FGF5: variants seen among roughly 807,000 people sequenced by gnomAD.
The protein encoded by FGF5 is heparin-binding growth factor 5.
FGF5 carries 23 observed loss-of-function variants against 21.8 expected under a neutral mutation model. That is an observed-to-expected ratio of 1.05 (90% CI 0.76 to 1.49). FGF5 has a LOEUF of 1.49. Among genes scored for constraint, FGF5 ranks in the 40% most tolerant of loss-of-function variants. FGF5 has a pLI of 0.00. For missense variants in FGF5, 352 were observed against 332.9 expected, an observed-to-expected ratio of 1.06 and a Z score of -0.45; for synonymous variants, 158 against 124.0, an observed-to-expected ratio of 1.27 and a Z score of -1.82.
chr4:80,278,071 C>A (rs1024727578), intron 2 of FGF5, among the ~76,000 whole-genome samples: 3 of 152,052 alleles, frequency 2.0e-5, no homozygotes, highest in South Asian at 2.1e-4. Context: ...CTAGAATTTT[C>A]TCTTTCTTTT....
chr4:80,279,011 C>G (rs560566942), intron 2 of FGF5, among the ~76,000 whole-genome samples: 1 of 152,286 alleles, frequency 6.6e-6, no homozygotes, highest in African/African-American at 2.4e-5. Flanking sequence ...AGACTGAGCA[C>G]TCTTTCTCCC....
Position 80,289,408 on chromosome 4 carries a change from G to C in FGF5, c.*2736G>C, listed in dbSNP as rs74807166. The C allele has an allele frequency of 1.3e-4, 20 of 152,208 alleles. No homozygotes were observed. In the East Asian group the frequency reaches 3.9e-3, roughly 29 times the overall value. 9.4% of individuals were successfully genotyped at this position (152,208 alleles called of 1,614,324 possible). ...TATACTAATGCTTACAACTTTCTAA[G>C]AGGGTTCTTGCTTATGTAGCTTTTT... On this transcript the variant is annotated 3_prime_UTR_variant, in exon 3 of 3. Coordinates refer to ENST00000312465, the MANE Select transcript of FGF5 (RefSeq NM_004464.4).
At position 80,270,028 on chromosome 4, in the gene FGF5, T is replaced by C. The variant is rs79969080; in HGVS notation, c.355+2849T>C. ...TTACCTCTTTGAAGGCAGTAGTTGA[T>C]GTTTCCTGACATTCGTGTAAACTAA... On this transcript the variant is annotated intron_variant, in intron 1 of 2. Transcript: ENST00000312465. Among the ~76,000 whole-genome samples the C allele has an allele frequency of 1.7e-4, 26 of 152,390 alleles. No individual in the cohort carries two copies. The East Asian group carries it at 4.8e-3, about 28-fold the overall frequency.
chr4:80,271,982 T>C (rs1437004148), intron 1 of FGF5, among the ~76,000 whole-genome samples: 1 of 152,178 alleles, frequency 6.6e-6, no homozygotes, highest in Non-Finnish European at 1.5e-5. Context: ...GGCAGGAAAC[T>C]GAACTGTGAG....
At chr4:80,282,376 T>C (rs1238179620) in intron 2 of FGF5, among the ~76,000 whole-genome samples, 1 of 151,964 alleles carries the variant, frequency 6.6e-6, no homozygotes, top group Non-Finnish European at 1.5e-5. Flanking sequence ...CAATTAGGAG[T>C]ATATACTAAA....
chr4:80,288,101 G>C lies in FGF5; in HGVS notation c.*1429G>C, dbSNP rs1247577153. On this transcript the variant is annotated 3_prime_UTR_variant, in exon 3 of 3. Coordinates refer to ENST00000312465, the MANE Select transcript of FGF5 (RefSeq NM_004464.4). ...TCAGAAATGTGGCAAAAAAGGCATA[G>C]CTAAAGGCTAAACATATGGCTTTAG... is the stretch of plus-strand genomic sequence containing the variant. 1.3e-5 allele frequency: 2 copies of C among 152,132 alleles called. No homozygotes were observed. Among genetic ancestry groups the C allele is most frequent in the Non-Finnish European group, 2.9e-5 (2 of 67,994 alleles). 9.4% of individuals were successfully genotyped at this position (152,132 alleles called of 1,614,324 possible).
intron 2 of FGF5, among the ~76,000 whole-genome samples, chr4:80,276,221 T>C (rs753863631): frequency 6.6e-6 from 1 of 151,966 alleles, no homozygotes; most frequent in African/African-American, 2.4e-5. Context: ...AAATATTGCC[T>C]ATTATTATAG....
chr4:80,270,255 C>T (rs1720230345), intron 1 of FGF5, among the ~76,000 whole-genome samples: 1 of 152,176 alleles, frequency 6.6e-6, no homozygotes, highest in Admixed American at 6.5e-5. Flanking sequence ...CAAAGCTTTG[C>T]CATGAAACTG....
chr4:80,266,837 T>C lies in FGF5; in HGVS notation c.13T>C (p.Phe5Leu), dbSNP rs1720101454. The change falls in exon 1 of 3, where the codon TTC becomes CTC. Residue 5 changes from phenylalanine (F) to leucine (L), a missense_variant. By Grantham distance (22) the Phe-to-Leu change is conservative. Coordinates refer to ENST00000312465, the MANE Select transcript of FGF5 (RefSeq NM_004464.4). MSLS[F>L]LLLLFFSHLI... ...CGCGGCTGGAAGAATGAGCTTGTCC[T>C]TCCTCCTCCTCCTCTTCTTCAGCCA... is the stretch of plus-strand genomic sequence containing the variant. 2 of 1,592,916 alleles carry C rather than the reference T, an allele frequency of 1.3e-6. No individual in the cohort carries two copies. The highest frequency in any genetic ancestry group is 1.7e-6 in the Non-Finnish European group (2 of 1,170,630).
At position 80,266,904 on chromosome 4, in the gene FGF5, C is replaced by T; in HGVS notation, c.80C>T (p.Ala27Val). Residue 27 changes from alanine to valine, a missense_variant, in exon 1 of 3, where the codon GCC (alanine) becomes GTC (valine). Transcript: ENST00000312465. Reference protein sequence around the residue: ...SAWAHGEKRLAPKGQPGPAAT... With the variant: ...SAWAHGEKRLVPKGQPGPAAT... ...TGGGCTCACGGGGAGAAGCGTCTCG[C>T]CCCCAAAGGGCAACCCGGACCCGCT... The T allele has an allele frequency of 6.2e-7, 1 of 1,613,944 alleles. No homozygotes were observed. The highest frequency in any genetic ancestry group is 8.5e-7 in the Non-Finnish European group (1 of 1,179,898).
intron 1 of FGF5, among the ~76,000 whole-genome samples, chr4:80,272,585 T>C (rs542566509): frequency 3.3e-5 from 5 of 152,278 alleles, no homozygotes; most frequent in African/African-American, 1.2e-4. Flanking sequence ...AAAGTTAGCA[T>C]ATAAACACAT....
At chr4:80,268,773 C>CGCACCA (rs1560497256) in intron 1 of FGF5, among the ~76,000 whole-genome samples, 1 of 152,216 alleles carries the variant, frequency 6.6e-6, no homozygotes, top group African/African-American at 2.4e-5. Context: ...CCTCCGCACA[C>CGCACCA]GCACCAGCGA....
At chr4:80,279,332 C>A (rs1451797950) in intron 2 of FGF5, among the ~76,000 whole-genome samples, 1 of 152,176 alleles carries the variant, frequency 6.6e-6, no homozygotes, top group Non-Finnish European at 1.5e-5. Flanking sequence ...TAGAGTACTG[C>A]CTGAAAAGTG....
Position 80,286,617 on chromosome 4 carries a change from C to T in FGF5, c.752C>T (p.Ala251Val), listed in dbSNP as rs1157604353. ...SPIKPKIPLSAPRKNTNSVKY... is the reference protein window; with the variant it reads ...SPIKPKIPLSVPRKNTNSVKY... ...ATCAAGCCAAAGATTCCCCTTTCTG[C>T]ACCTCGGAAAAATACCAACTCAGTG... is the stretch of plus-strand genomic sequence containing the variant. Residue 251 changes from alanine (A) to valine (V), a missense_variant, in exon 3 of 3, where the codon GCA becomes GTA. Transcript: ENST00000312465. The T allele has an allele frequency of 1.2e-6, 2 of 1,614,048 alleles. No homozygotes were observed. The highest frequency in any genetic ancestry group is 1.7e-6 in the Non-Finnish European group (2 of 1,179,974).
In FGF5 at chr4:80,267,032, C is replaced by T; in HGVS notation, c.208C>T (p.Gln70Ter). The T allele has an allele frequency of 6.2e-7, 1 of 1,614,218 alleles. No homozygotes were observed. The highest frequency in any genetic ancestry group is 1.7e-5 in the Admixed American group (1 of 60,030). ...SSSPAASLGS[Q>*]GSGLEQSSFQ... ...CTCCCCCGCAGCTTCTCTGGGCAGC[C>T]AAGGAAGTGGCTTGGAGCAGAGCAG... Residue 70 changes from glutamine to a stop codon, truncating the protein, a stop_gained, in exon 1 of 3, where the codon CAA (glutamine) becomes TAA (stop). Transcript: ENST00000312465. LOFTEE classifies it high-confidence loss of function.
chr4:80,267,955 G>T (rs964329913), intron 1 of FGF5, among the ~76,000 whole-genome samples: 18 of 152,180 alleles, frequency 1.2e-4, no homozygotes, highest in African/African-American at 4.3e-4. Context: ...TAGGAGAGTG[G>T]CCAGCCTTTG....
intron 1 of FGF5, among the ~76,000 whole-genome samples, chr4:80,273,854 CCTTT>C (rs1231987410): frequency 1.3e-5 from 2 of 151,906 alleles, no homozygotes; most frequent in East Asian, 3.9e-4. Flanking sequence ...TTCCCTTTTT[CCTTT>C]CTAAGACAGG....
At chr4:80,274,579 A>G (rs1476299304) in intron 1 of FGF5, among the ~76,000 whole-genome samples, 1 of 152,100 alleles carries the variant, frequency 6.6e-6, no homozygotes, top group Non-Finnish European at 1.5e-5. Context: ...AATTATTTTG[A>G]AAAACATTTT....
intron 1 of FGF5, among the ~76,000 whole-genome samples, chr4:80,269,018 C>T (rs1439991610): frequency 6.6e-6 from 1 of 152,202 alleles, no homozygotes; most frequent in African/African-American, 2.4e-5. Context: ...TTCCCACTTC[C>T]GGCAACCTTT....
Sources: allele counts gnomAD v4.1 joint callset (sites outside exome capture counted in the v4.1 genomes callset), GRCh38; gene constraint gnomAD v4.1.1; transcripts MANE v1.5; gene names NCBI Gene and HGNC (gene_info 2026-07-23, HGNC 2026-07-21).